DYSF: variants seen among roughly 807,000 people sequenced by gnomAD.
The protein encoded by DYSF is dysferlin, also known as dystrophy-associated fer-1-like 1.
DYSF carries 212 observed loss-of-function variants against 274.9 expected under a neutral mutation model. The ratio of observed to expected loss-of-function variants is 0.77; its 90% confidence interval spans 0.69 to 0.86. The LOEUF is 0.86. DYSF is among the 40% of genes least tolerant of loss of function. DYSF has a pLI of 0.00. For synonymous variants in DYSF, 1,091 were observed against 1,078.7 expected, an observed-to-expected ratio of 1.01 and a Z score of -0.22; for missense variants, 2,666 against 2,783.2, an observed-to-expected ratio of 0.96 and a Z score of 0.95.
chr2:71,637,734 G>T (rs1365934171), intron 41 of DYSF, among the ~76,000 whole-genome samples: 1 of 152,202 alleles, frequency 6.6e-6, no homozygotes, highest in Non-Finnish European at 1.5e-5. Flanking sequence ...AACAAGAGAG[G>T]TGGAAGGAGT....
intron 52 of DYSF, among the ~76,000 whole-genome samples, chr2:71,677,914 A>C (rs2095246813): frequency 6.6e-6 from 1 of 152,264 alleles, no homozygotes; most frequent in Non-Finnish European, 1.5e-5. Context: ...CATTATTCAT[A>C]ATATGAAGTT....
Position 71,561,852 on chromosome 2 carries a change from G to A in DYSF, c.2317G>A (p.Ala773Thr). Reference protein sequence around the residue: ...THHLSQITEAALALKLGHSEL... With the variant: ...THHLSQITEATLALKLGHSEL... ...TCACCTGAGCCAAATCACTGAGGCTGCCCTGGCCCTGAAGCTCGGCCACAG... is the reference window on the plus strand; with the variant it reads ...TCACCTGAGCCAAATCACTGAGGCTACCCTGGCCCTGAAGCTCGGCCACAG... The change falls in exon 23 of 56, where the codon GCC becomes ACC. Residue 773 changes from alanine (A) to threonine (T), a missense_variant. This residue lies in a region of DYSF where 412 missense variants were observed against 504.0 expected (regional missense o/e 0.82). Transcript: ENST00000410020. 3.7e-6 allele frequency: 6 copies of A among 1,614,168 alleles called. No individual in the cohort carries two copies. Among genetic ancestry groups the A allele is most frequent in the Non-Finnish European group, 5.1e-6 (6 of 1,180,016 alleles).
intron 1 of DYSF, among the ~76,000 whole-genome samples, chr2:71,473,805 A>G (rs34865057): frequency 0.025 from 3,743 of 152,062 alleles, 83 homozygotes; most frequent in South Asian, 0.072. Context: ...TGCAGTTATC[A>G]CCATCTCCAG....
chr2:71,515,646 G>T lies in DYSF; in HGVS notation c.783G>T (p.Gly261=). Reference sequence around the variant, plus strand: ...AGATCAGGGTCCAGGTGATCGAGGGGCGCCAGCTGCCGGGGGTGAACATCA... The same window carrying T: ...AGATCAGGGTCCAGGTGATCGAGGGTCGCCAGCTGCCGGGGGTGAACATCA... ...DFQIRVQVIE[G]RQLPGVNIKP... Residue 261 remains glycine, a synonymous_variant, in exon 8 of 56, where the codon GGG becomes GGT. Coordinates refer to ENST00000410020, the MANE Select transcript of DYSF (RefSeq NM_001130987.2). 1.2e-6 allele frequency: 2 copies of T among 1,614,016 alleles called. No homozygotes were observed. The highest frequency in any genetic ancestry group is 1.7e-6 in the Non-Finnish European group (2 of 1,179,954).
rs1318863830 is a variant in DYSF at position 71,615,257 on chromosome 2, G to A, written c.4464+1847G>A. Among the ~76,000 whole-genome samples, 9 of 152,176 alleles carry A rather than the reference G, an allele frequency of 5.9e-5. No individual in the cohort carries two copies. The highest frequency in any genetic ancestry group is 2.6e-4 in the Admixed American group (4 of 15,288). On this transcript the variant is annotated intron_variant, in intron 40 of 55. Coordinates refer to ENST00000410020, the MANE Select transcript of DYSF (RefSeq NM_001130987.2). The surrounding 1 kb of genome is among the most constrained non-coding windows in gnomAD (Gnocchi z 4.9). The stretch of plus-strand genomic sequence containing the variant: ...GCCTGTGCTGTTTGTGGGAGCACAC[G>A]GCCACTCTGGCTAGAGCTGCTGGCC...
chr2:71,602,875 A>G (rs2093579253), intron 36 of DYSF, 70 bp downstream of exon 36: 2 of 1,580,926 alleles, frequency 1.3e-6, no homozygotes, highest in Admixed American at 1.7e-5. Context: ...CTTCAAGCAC[A>G]CACCTGGAGC....
chr2:71,476,407 GGTAGGCACTT>G (rs1334202101), intron 1 of DYSF, among the ~76,000 whole-genome samples: 5 of 152,030 alleles, frequency 3.3e-5, no homozygotes, highest in Non-Finnish European at 7.4e-5. Context: ...CAAGCTAGGT[GGTAGGCACTT>G]GTAGTCGCGG....
chr2:71,656,224 C>T lies in DYSF; in HGVS notation c.4689C>T (p.Thr1563=). Residue 1563 remains threonine (T), a synonymous_variant, in exon 43 of 56, where the codon ACC becomes ACT. Coordinates refer to ENST00000410020, the MANE Select transcript of DYSF (RefSeq NM_001130987.2). ...AGGGCCTGTCTGACTTTTGTAACAC[C>T]TTCAAGCTGTACCGGGGCAAGACGC... ...AFEGLSDFCN[T]FKLYRGKTQE... The T allele has an allele frequency of 1.2e-6, 2 of 1,614,222 alleles. No individual in the cohort carries two copies. Among genetic ancestry groups the T allele is most frequent in the South Asian group, 1.1e-5 (1 of 91,080 alleles).
intron 3 of DYSF, among the ~76,000 whole-genome samples, chr2:71,484,756 C>T (rs1352402120): frequency 6.6e-6 from 1 of 152,190 alleles, no homozygotes; most frequent in Non-Finnish European, 1.5e-5. Flanking sequence ...ATTTCTAAGA[C>T]CACAGAGGCA....
chr2:71,575,091 C>A (rs1460175856), intron 30 of DYSF, among the ~76,000 whole-genome samples: 2 of 152,108 alleles, frequency 1.3e-5, no homozygotes, highest in South Asian at 2.1e-4. Flanking sequence ...AGGGAGCAAG[C>A]CCCATGGGAC....
rs141704244 is a variant in DYSF at position 71,659,033 on chromosome 2, G to T, written c.4911G>T (p.Lys1637Asn). 1.4e-4 allele frequency: 219 copies of T among 1,613,984 alleles called. No homozygotes were observed. Among genetic ancestry groups the T allele is most frequent in the Non-Finnish European group, 1.8e-4 (209 of 1,180,028 alleles). ...TGCAGCCCAAGGACCCCAATGGAAA[G>T]GTAACTTTCCTAGAGCCCTCACCTC... ...FGLQPKDPNG[K>N]CDPYIKISIG... Residue 1637 changes from lysine to asparagine, a missense_variant and splice_region_variant, in exon 44 of 56, where the codon AAG (lysine) becomes AAT (asparagine). Physicochemically the swap from Lys to Asn is moderately conservative, Grantham distance 94 (BLOSUM62 0). Transcript: ENST00000410020.
At chr2:71,584,110 G>T (rs978375749) in intron 30 of DYSF, among the ~76,000 whole-genome samples, 1 of 149,228 alleles carries the variant, frequency 6.7e-6, no homozygotes, top group Non-Finnish European at 1.5e-5. Context: ...GAGCTATCAA[G>T]GCAGGAATGT....
rs1573410539 is a variant in DYSF, at chr2:71,482,040, A to C, written c.239+70A>C. The C allele has an allele frequency of 6.9e-6, 9 of 1,300,510 alleles. No individual in the cohort carries two copies. In the East Asian group the frequency reaches 2.1e-4, roughly 30 times the overall value. 80.6% of individuals were successfully genotyped at this position (1,300,510 alleles called of 1,614,324 possible). On this transcript the variant is annotated intron_variant, in intron 3 of 55. Transcript: ENST00000410020. ...TAGGATTGTGGAGTATACAGACTGC[A>C]GAATCCCAGGCCCCAGGGAGCTGGG...
chr2:71,638,580 A>G (rs905697116), intron 41 of DYSF, among the ~76,000 whole-genome samples: 12 of 152,190 alleles, frequency 7.9e-5, no homozygotes, highest in African/African-American at 1.4e-4. Context: ...AAATCCTACA[A>G]TATGTGGTCT....
intron 25 of DYSF, 40 bp from the exon 26 acceptor site, chr2:71,568,132 T>C (rs2092217160): frequency 6.2e-7 from 1 of 1,614,108 alleles, no homozygotes; most frequent in Non-Finnish European, 8.5e-7. Context: ...TGGAGCTGCC[T>C]TGGCCCCCTG....
intron 29 of DYSF, 138 bp from the exon 30 acceptor site, chr2:71,574,060 G>C: frequency 9.0e-7 from 1 of 1,108,838 alleles, no homozygotes. Flanking sequence ...GCCCTCCCAG[G>C]TTTTCCCACC....
intron 49 of DYSF, 35 bp downstream of exon 49, chr2:71,668,877 G>A (rs1306696293): frequency 6.2e-7 from 1 of 1,601,956 alleles, no homozygotes; most frequent in Non-Finnish European, 8.5e-7. Context: ...GAGCTGGGCT[G>A]AGGGGTGGGG....
intron 23 of DYSF, 140 bp from the exon 24 acceptor site, chr2:71,563,918 A>G: frequency 8.1e-7 from 1 of 1,228,722 alleles, no homozygotes; most frequent in Non-Finnish European, 1.2e-6. Flanking sequence ...GGGGAAGGCC[A>G]GGGTGGACAG....
At chr2:71,649,567 G>C (rs1468906365) in intron 42 of DYSF, among the ~76,000 whole-genome samples, 1 of 151,974 alleles carries the variant, frequency 6.6e-6, no homozygotes, top group Non-Finnish European at 1.5e-5. Context: ...AGTATTATCA[G>C]AATATATAAA....
Sources: gnomAD v4.1 joint callset for allele counts (sites outside exome capture counted in the v4.1 genomes callset) on GRCh38, gnomAD v4.1.1 for gene constraint, gnomAD v4.1.1 regional missense constraint, Gnocchi (gnomAD v3.1) non-coding constraint, MANE v1.5 for transcripts, NCBI Gene and HGNC (gene_info 2026-07-23, HGNC 2026-07-21) for gene names.